The following GALNT13 variants were observed in gnomAD, a reference collection of about 807,000 sequenced individuals.
The protein encoded by GALNT13 is UDP-GalNAc:polypeptide N-acetylgalactosaminyltransferase 13.
Under a neutral mutation model 64.2 loss-of-function variants are expected in GALNT13, and 28 were observed. The observed-to-expected ratio is 0.44, with a 90% CI of 0.32 to 0.60. The LOEUF is 0.60. Among genes scored for constraint, GALNT13 ranks in the 20% least tolerant of loss-of-function variants. GALNT13 has a pLI of 0.05. For missense variants in GALNT13, 577 were observed against 669.8 expected, an observed-to-expected ratio of 0.86 and a Z score of 1.53; for synonymous variants, 214 against 224.6, an observed-to-expected ratio of 0.95 and a Z score of 0.42.
intron 3 of GALNT13, among the ~76,000 whole-genome samples, chr2:154,037,933 T>C (rs1304280342): frequency 6.6e-6 from 1 of 152,096 alleles, no homozygotes; most frequent in Non-Finnish European, 1.5e-5. Flanking sequence ...GCAGGAAGAC[T>C]GCTTGAGCCT....
At chr2:154,334,589 GCATCAGAAAACTTGCCATCATTCT>G (rs1695339670) in intron 9 of GALNT13, among the ~76,000 whole-genome samples, 1 of 147,428 alleles carries the variant, frequency 6.8e-6, no homozygotes, top group South Asian at 2.2e-4. Context: ...TTATTTGCTT[GCATCAGAAAACTTGCCATCATTCT>G]TCTCAGTTAC....
At chr2:153,756,319 A>C in the GALNT13 span, among the ~76,000 whole-genome samples, 1 of 152,136 alleles carries the variant, frequency 6.6e-6, no homozygotes, top group Non-Finnish European at 1.5e-5. Flanking sequence ...TGACAAAGAA[A>C]ACATATTTAT....
At chr2:153,288,538 G>A in the GALNT13 span, among the ~76,000 whole-genome samples, 46 of 152,234 alleles carry the variant, frequency 3.0e-4, no homozygotes, top group African/African-American at 1.1e-3. Flanking sequence ...GAGCCTGTTC[G>A]CTCTGTATAT....
At chr2:153,439,594 C>T in the GALNT13 span, among the ~76,000 whole-genome samples, 1 of 152,200 alleles carries the variant, frequency 6.6e-6, no homozygotes, top group South Asian at 2.1e-4. Context: ...GAGGAAGGCT[C>T]CGTGGGCATA....
the GALNT13 span, among the ~76,000 whole-genome samples, chr2:153,480,775 T>A: frequency 6.6e-6 from 1 of 152,160 alleles, no homozygotes; most frequent in East Asian, 1.9e-4. Flanking sequence ...GAGGCCCACC[T>A]CCAGGGATCA....
intron 2 of GALNT13, among the ~76,000 whole-genome samples, chr2:153,934,381 T>G (rs1300766045): frequency 6.6e-6 from 1 of 152,176 alleles, no homozygotes; most frequent in Non-Finnish European, 1.5e-5. Context: ...TCCTGCTTTT[T>G]TGTGTGTGTG....
At chr2:153,208,190 A>G in the GALNT13 span, 1 of 152,218 alleles carries the variant, frequency 6.6e-6, no homozygotes, top group Non-Finnish European at 1.5e-5. Flanking sequence ...TATTTAATGT[A>G]TGCTTTAATA....
At chr2:153,719,918 A>G in the GALNT13 span, among the ~76,000 whole-genome samples, 1 of 152,154 alleles carries the variant, frequency 6.6e-6, no homozygotes, top group East Asian at 1.9e-4. Flanking sequence ...TTGCTTAGGT[A>G]AACAAAGCAG....
At chr2:153,803,670 C>T in the GALNT13 span, among the ~76,000 whole-genome samples, 4 of 125,144 alleles carry the variant, frequency 3.2e-5, no homozygotes, top group Non-Finnish European at 6.3e-5. Flanking sequence ...CCAGCCTGGG[C>T]GACAGATCGA....
the GALNT13 span, among the ~76,000 whole-genome samples, chr2:153,099,264 G>GT: frequency 6.6e-6 from 1 of 152,190 alleles, no homozygotes; most frequent in Admixed American, 6.5e-5. Context: ...CACGTTGGGT[G>GT]TAAATTCCTG....
intron 9 of GALNT13, among the ~76,000 whole-genome samples, chr2:154,349,795 A>T (rs1696287452): frequency 6.6e-6 from 1 of 152,218 alleles, no homozygotes; most frequent in Non-Finnish European, 1.5e-5. Flanking sequence ...AGTGCCATTC[A>T]GGCCCACAGG....
intron 9 of GALNT13, among the ~76,000 whole-genome samples, chr2:154,305,862 A>G (rs918965295): frequency 6.6e-6 from 1 of 152,140 alleles, no homozygotes; most frequent in Non-Finnish European, 1.5e-5. Context: ...TCTATATCCA[A>G]AGTAGTTCAG....
chr2:153,664,181 G>C, the GALNT13 span, among the ~76,000 whole-genome samples: 1 of 152,290 alleles, frequency 6.6e-6, no homozygotes. Flanking sequence ...GGGCACTGCA[G>C]GAGACCAGGG....
intron 11 of GALNT13, among the ~76,000 whole-genome samples, chr2:154,428,950 G>T (rs1453309279): frequency 6.6e-6 from 1 of 151,970 alleles, no homozygotes; most frequent in Non-Finnish European, 1.5e-5. Context: ...GTTTTGTGGT[G>T]CTGCAAACTG....
At chr2:153,337,671 C>G in the GALNT13 span, 1 of 152,030 alleles carries the variant, frequency 6.6e-6, no homozygotes, top group African/African-American at 2.4e-5. Flanking sequence ...TCTATAATTC[C>G]CTATTCTTAA....
At chr2:153,276,377 AC>A in the GALNT13 span, among the ~76,000 whole-genome samples, 1 of 152,112 alleles carries the variant, frequency 6.6e-6, no homozygotes, top group African/African-American at 2.4e-5. Flanking sequence ...TTCTATATTT[AC>A]TTTTAATAAC....
At chr2:153,582,110 C>A in the GALNT13 span, among the ~76,000 whole-genome samples, 2 of 152,020 alleles carry the variant, frequency 1.3e-5, no homozygotes, top group Admixed American at 6.6e-5. Context: ...CTTGAATATC[C>A]GCAAAAATGC....
the GALNT13 span, chr2:153,423,639 C>T: frequency 6.6e-6 from 1 of 151,660 alleles, no homozygotes; most frequent in African/African-American, 2.4e-5. Flanking sequence ...TTCATATATA[C>T]AAACAGCAAA....
the GALNT13 span, among the ~76,000 whole-genome samples, chr2:153,625,574 A>G: frequency 6.6e-6 from 1 of 152,124 alleles, no homozygotes; most frequent in South Asian, 2.1e-4. Context: ...GTAGGCAGTG[A>G]TATTTTACGG....
Sources: allele counts gnomAD v4.1 joint callset (sites outside exome capture counted in the v4.1 genomes callset), GRCh38; gene constraint gnomAD v4.1.1; transcripts MANE v1.5; gene names NCBI Gene and HGNC (gene_info 2026-07-23, HGNC 2026-07-21).